Variants in MAF observed in about 807,000 individuals in gnomAD.
MAF encodes transcription factor Maf.
A neutral mutation model predicts 22.0 loss-of-function variants in MAF; 10 were observed. The ratio of observed to expected loss-of-function variants is 0.45; its 90% CI spans 0.28 to 0.77. The LOEUF is 0.77. Ranked by LOEUF, MAF falls within the 30% of genes least tolerant of loss-of-function variation. MAF has a pLI of 0.12. For missense variants in MAF, 544 were observed against 548.4 expected (o/e 0.99, Z 0.08); for synonymous variants, 337 against 255.8 (o/e 1.32, Z -3.03).
chr16:79,255,447 G>C, the MAF span, among the ~76,000 whole-genome samples: 1 of 152,196 alleles, frequency 6.6e-6, no homozygotes, highest in Admixed American at 6.5e-5. Flanking sequence ...TTTTCAGAAT[G>C]AATAAAAACT....
the MAF span, among the ~76,000 whole-genome samples, chr16:79,580,191 G>A: frequency 1.3e-5 from 2 of 152,046 alleles, no homozygotes; most frequent in Non-Finnish European, 2.9e-5. Flanking sequence ...AACCCTATCA[G>A]CCTGATTTGA....
chr16:79,549,554 C>G, the MAF span, among the ~76,000 whole-genome samples: 101 of 152,322 alleles, frequency 6.6e-4, no homozygotes, highest in Admixed American at 3.9e-3. Context: ...CTGCCTGGCC[C>G]TTGGCATGGC....
the MAF span, chr16:79,212,556 TAATCCCTTTGTCTGTC>T: frequency 1.2e-5 from 2 of 167,460 alleles, no homozygotes; most frequent in Admixed American, 5.5e-5. Flanking sequence ...AAACGTTAGT[TAATCCCTTTGTCTGTC>T]AATCACAGTC....
At chr16:79,320,703 A>T in the MAF span, among the ~76,000 whole-genome samples, 3 of 152,220 alleles carry the variant, frequency 2.0e-5, no homozygotes, top group African/African-American at 7.2e-5. Context: ...TTTAACACTT[A>T]TCCCATAGAG....
At chr16:79,506,696 G>A in the MAF span, among the ~76,000 whole-genome samples, 2 of 152,184 alleles carry the variant, frequency 1.3e-5, no homozygotes, top group Non-Finnish European at 2.9e-5. Context: ...CTGTGTGCAT[G>A]GTGCACCTAG....
chr16:79,376,244 T>C, the MAF span, among the ~76,000 whole-genome samples: 1 of 152,168 alleles, frequency 6.6e-6, no homozygotes, highest in African/African-American at 2.4e-5. Flanking sequence ...TTTAATTTTA[T>C]TCTAAGTTTT....
the MAF span, among the ~76,000 whole-genome samples, chr16:79,537,089 C>A: frequency 2.0e-5 from 3 of 152,140 alleles, no homozygotes; most frequent in Non-Finnish European, 4.4e-5. Flanking sequence ...AATGTCTGCA[C>A]GTCTGTGAGA....
the MAF span, among the ~76,000 whole-genome samples, chr16:79,381,817 G>A: frequency 6.6e-6 from 1 of 152,182 alleles, no homozygotes; most frequent in Non-Finnish European, 1.5e-5. Flanking sequence ...TGATTGGCTT[G>A]TTACTCCACA....
the MAF span, among the ~76,000 whole-genome samples, chr16:79,474,588 T>A: frequency 6.6e-6 from 1 of 152,168 alleles, no homozygotes; most frequent in East Asian, 1.9e-4. Context: ...AGGGAGAGCC[T>A]CAGGTGTTAA....
the MAF span, among the ~76,000 whole-genome samples, chr16:79,306,190 A>G: frequency 1.3e-5 from 2 of 152,180 alleles, no homozygotes; most frequent in South Asian, 2.1e-4. Context: ...GAGACAGGCT[A>G]TCAGATGCAG....
At chr16:79,316,492 G>A in the MAF span, among the ~76,000 whole-genome samples, 2 of 152,100 alleles carry the variant, frequency 1.3e-5, no homozygotes, top group Non-Finnish European at 2.9e-5. Context: ...CTGAGCCTCG[G>A]TTTTCTCTTC....
chr16:79,329,902 A>T, the MAF span, among the ~76,000 whole-genome samples: 2 of 152,174 alleles, frequency 1.3e-5, no homozygotes, highest in Non-Finnish European at 2.9e-5. Context: ...TATATGGTTA[A>T]TATCCATACA....
the MAF span, among the ~76,000 whole-genome samples, chr16:79,557,956 C>G: frequency 3.8e-4 from 58 of 151,262 alleles, no homozygotes; most frequent in African/African-American, 1.4e-3. Flanking sequence ...CTGATGGGTG[C>G]TTCAGGGAAG....
chr16:79,573,066 T>G, the MAF span, among the ~76,000 whole-genome samples: 1 of 152,234 alleles, frequency 6.6e-6, no homozygotes, highest in East Asian at 1.9e-4. Context: ...CATTCATGTG[T>G]ATTTTTTTTC....
the MAF span, among the ~76,000 whole-genome samples, chr16:79,412,908 C>T: frequency 2.0e-5 from 3 of 152,200 alleles, no homozygotes; most frequent in Admixed American, 6.5e-5. Context: ...CCTTGGGCTT[C>T]GCCTTGCCCT....
At chr16:79,511,288 C>G in the MAF span, among the ~76,000 whole-genome samples, 1 of 152,018 alleles carries the variant, frequency 6.6e-6, no homozygotes, top group Non-Finnish European at 1.5e-5. Context: ...TCCCCCAACA[C>G]GTCATTCTCA....
chr16:79,532,954 G>A, the MAF span, among the ~76,000 whole-genome samples: 1 of 152,176 alleles, frequency 6.6e-6, no homozygotes, highest in Non-Finnish European at 1.5e-5. Context: ...TTGGGTCTTT[G>A]CCGACATCTG....
At chr16:79,349,731 C>T in the MAF span, among the ~76,000 whole-genome samples, 3 of 152,182 alleles carry the variant, frequency 2.0e-5, no homozygotes, top group Admixed American at 1.3e-4. Context: ...TGCTTTAGGC[C>T]ATGAACACCT....
At chr16:79,586,381 G>A (rs1048349304) in intron 1 of MAF, among the ~76,000 whole-genome samples, 1 of 151,842 alleles carries the variant, frequency 6.6e-6, no homozygotes, top group Non-Finnish European at 1.5e-5. Flanking sequence ...TTCTGCCGGT[G>A]TGTGCTAGGG....
Sources: gnomAD v4.1 joint callset for allele counts (sites outside exome capture counted in the v4.1 genomes callset) on GRCh38, gnomAD v4.1.1 for gene constraint, MANE v1.5 for transcripts, NCBI Gene and HGNC (gene_info 2026-07-23, HGNC 2026-07-21) for gene names.